Variants in BRWD1 observed in about 807,000 individuals in gnomAD.
The protein encoded by BRWD1 is bromodomain and WD repeat-containing protein 1.
In BRWD1, 82 loss-of-function variants were observed where a neutral mutation model predicts 251.2. The observed-to-expected ratio is 0.33, with a 90% CI of 0.27 to 0.39. The LOEUF is 0.39. BRWD1 is among the 10% of genes least tolerant of loss of function. BRWD1 has a pLI of 1.00. For missense variants in BRWD1, 2,233 were observed against 2,711.6 expected (o/e 0.82, Z 3.92); for synonymous variants, 918 against 902.8 (o/e 1.02, Z -0.30).
chr21:39,203,675 G>A (rs1248282549), intron 37 of BRWD1, among the ~76,000 whole-genome samples: 1 of 150,574 alleles, frequency 6.6e-6, no homozygotes. Context: ...CCAAAGTGCT[G>A]GGATTACAAG....
chr21:39,207,488 A>ACACACACACACACACC (rs781703011), intron 36 of BRWD1, among the ~76,000 whole-genome samples: 1 of 149,910 alleles, frequency 6.7e-6, no homozygotes, highest in Admixed American at 6.7e-5. Context: ...ACACACAAAC[A>ACACACACACACACACC]AAACTCCAAA....
At chr21:39,255,355 T>C (rs1408529089) in intron 19 of BRWD1, among the ~76,000 whole-genome samples, 3 of 151,176 alleles carry the variant, frequency 2.0e-5, no homozygotes, top group Non-Finnish European at 2.9e-5. Flanking sequence ...GAGGTTGCAG[T>C]GAGCCGAGAT....
intron 23 of BRWD1, among the ~76,000 whole-genome samples, chr21:39,234,290 A>G (rs894826637): frequency 1.3e-5 from 2 of 152,204 alleles, no homozygotes; most frequent in African/African-American, 4.8e-5. Flanking sequence ...TACAAGTACA[A>G]TACAGAAGGA....
intron 4 of BRWD1, 46 bp from the exon 5 acceptor site, chr21:39,298,628 A>G: frequency 6.8e-7 from 1 of 1,466,788 alleles, no homozygotes; most frequent in Non-Finnish European, 9.2e-7. Flanking sequence ...ATAATATCAA[A>G]AACTATTAAA....
upstream of BRWD1, chr21:39,314,215 C>T (rs2036639180): frequency 2.2e-6 from 1 of 455,832 alleles, no homozygotes; most frequent in Admixed American, 2.3e-5. Flanking sequence ...CCGCCCGGAC[C>T]CGCGCTCCTG....
chr21:39,219,828 G>C (rs2033101004), intron 29 of BRWD1: 1 of 152,136 alleles, frequency 6.6e-6, no homozygotes, highest in African/African-American at 2.4e-5. Context: ...TATAATTCAT[G>C]TTCTTGCAAA....
intron 29 of BRWD1, among the ~76,000 whole-genome samples, chr21:39,220,065 AG>A (rs1306492445): frequency 7.0e-6 from 1 of 142,068 alleles, no homozygotes; most frequent in Non-Finnish European, 1.5e-5. Context: ...CCGGGATCTA[AG>A]TTCAAATCAC....
chr21:39,291,401 T>C (rs544733928), intron 8 of BRWD1, among the ~76,000 whole-genome samples: 2 of 152,308 alleles, frequency 1.3e-5, no homozygotes, highest in South Asian at 4.1e-4. Flanking sequence ...AACAATTTAC[T>C]TCAGTCTAAC....
At chr21:39,231,928 A>C (rs1473872929) in intron 25 of BRWD1, among the ~76,000 whole-genome samples, 2 of 152,162 alleles carry the variant, frequency 1.3e-5, no homozygotes, top group East Asian at 3.8e-4. Flanking sequence ...ATATATTGCC[A>C]AGCTGCCTTT....
intron 31 of BRWD1, among the ~76,000 whole-genome samples, chr21:39,216,208 T>C (rs1156856988): frequency 6.6e-6 from 1 of 152,146 alleles, no homozygotes; most frequent in Non-Finnish European, 1.5e-5. Flanking sequence ...TCATTAAGAA[T>C]AGGAAATTTT....
In BRWD1 at chr21:39,188,734, G is replaced by A. The variant is rs957500860; in HGVS notation, c.*7525C>T. ...CACACTTCTCTAAGATCAGTTGAGC[G>A]TTCTCCCCAGAATAGGTTAGGAAAT... On this transcript the variant is annotated 3_prime_UTR_variant, in exon 41 of 41. Coordinates refer to ENST00000342449, the MANE Select transcript of BRWD1 (RefSeq NM_033656.4). The A allele has an allele frequency of 1.0e-5, 10 of 985,268 alleles. No individual in the cohort carries two copies. Among genetic ancestry groups the A allele is most frequent in the Admixed American group, 6.2e-5 (1 of 16,260 alleles). The allele number at this position is 985,268 out of a possible 1,614,324, so 61.0% of individuals were successfully genotyped here.
intron 4 of BRWD1, among the ~76,000 whole-genome samples, chr21:39,309,752 G>C (rs1202671574): frequency 6.6e-6 from 1 of 150,444 alleles, no homozygotes; most frequent in Non-Finnish European, 1.5e-5. Flanking sequence ...GTGAATCCGG[G>C]AGGCGGAGCT....
At chr21:39,247,272 ATATACTACAGGT>A (rs1183406178) in intron 21 of BRWD1, among the ~76,000 whole-genome samples, 1 of 152,210 alleles carries the variant, frequency 6.6e-6, no homozygotes, top group African/African-American at 2.4e-5. Flanking sequence ...AACTCTGTCA[ATATACTACAGGT>A]TATATACCCC....
chr21:39,186,878 TG>T lies in BRWD1; in HGVS notation c.*9380del. ...AGCACATGTCTGTACAAGAGCTGACTGGGAGGAACCCACTGGATTATGGCTT... is the reference window on the plus strand; with the variant it reads ...AGCACATGTCTGTACAAGAGCTGACTGGAGGAACCCACTGGATTATGGCTT... On this transcript the variant is annotated 3_prime_UTR_variant, in exon 41 of 41. Coordinates refer to ENST00000342449, the MANE Select transcript of BRWD1 (RefSeq NM_033656.4). 1.5e-6 allele frequency: 2 copies of T among 1,348,578 alleles called. No individual in the cohort carries two copies. The highest frequency in any genetic ancestry group is 2.0e-6 in the Non-Finnish European group (2 of 1,017,946). 83.5% of individuals were successfully genotyped at this position (1,348,578 alleles called of 1,614,324 possible). A position where few individuals can be genotyped will look rare whatever the true frequency, so the allele number is the denominator to read the frequency against.
intron 4 of BRWD1, among the ~76,000 whole-genome samples, chr21:39,308,399 A>G (rs1237707033): frequency 6.6e-6 from 1 of 150,954 alleles, no homozygotes; most frequent in Non-Finnish European, 1.5e-5. Context: ...GGAGAACTGC[A>G]TGAACCTGTG....
upstream of BRWD1, among the ~76,000 whole-genome samples, chr21:39,316,443 T>C (rs2036699316): frequency 6.6e-6 from 1 of 152,200 alleles, no homozygotes; most frequent in Non-Finnish European, 1.5e-5. Flanking sequence ...TTACCAGTGT[T>C]ACCAAATGAC....
intron 27 of BRWD1, among the ~76,000 whole-genome samples, chr21:39,225,872 G>C (rs899518462): frequency 6.6e-6 from 1 of 152,126 alleles, no homozygotes; most frequent in African/African-American, 2.4e-5. Flanking sequence ...AAGGAGACTA[G>C]TATAGCTTTA....
chr21:39,224,697 G>A (rs2033311277), intron 28 of BRWD1, among the ~76,000 whole-genome samples: 1 of 152,106 alleles, frequency 6.6e-6, no homozygotes. Flanking sequence ...ATAACTGAAA[G>A]ACAAGGCATG....
At chr21:39,254,043 G>C (rs147261457) in intron 19 of BRWD1, among the ~76,000 whole-genome samples, 4 of 152,304 alleles carry the variant, frequency 2.6e-5, no homozygotes, top group Non-Finnish European at 4.4e-5. Context: ...GAGGCAGGCA[G>C]ATCACCTGAG....
Sources: gnomAD v4.1 joint callset for allele counts (sites outside exome capture counted in the v4.1 genomes callset) on GRCh38, gnomAD v4.1.1 for gene constraint, MANE v1.5 for transcripts, NCBI Gene and HGNC (gene_info 2026-07-23, HGNC 2026-07-21) for gene names.